Variants in LRP1B observed in about 807,000 individuals in gnomAD.
LRP1B encodes the protein LDL receptor related protein 1B.
In LRP1B, 217 loss-of-function variants were observed where a neutral mutation model predicts 556.6. The ratio of observed to expected loss-of-function variants is 0.39; its 90% CI spans 0.35 to 0.44. The LOEUF is 0.44. Among genes scored for constraint, LRP1B ranks in the 20% least tolerant of loss-of-function variants. The pLI is 1.00. For missense variants in LRP1B, 5,053 were observed against 5,620.8 expected, an observed-to-expected ratio of 0.90 and a Z score of 3.23; for synonymous variants, 2,047 against 1,865.8, an observed-to-expected ratio of 1.10 and a Z score of -2.50.
At chr2:141,341,069 A>T (rs993174066) in intron 3 of LRP1B, among the ~76,000 whole-genome samples, 7 of 152,180 alleles carry the variant, frequency 4.6e-5, no homozygotes, top group Non-Finnish European at 8.8e-5. Flanking sequence ...TATAGGAAAA[A>T]GATAGCATTT....
intron 21 of LRP1B, among the ~76,000 whole-genome samples, chr2:140,922,354 A>C (rs1694762797): frequency 6.6e-6 from 1 of 151,882 alleles, no homozygotes; most frequent in Non-Finnish European, 1.5e-5. Context: ...TCATAGTAAT[A>C]GGGTATATTT....
rs115639959 is a variant in LRP1B, at chr2:141,283,017, G to A, written c.344-28376C>T. Among the ~76,000 whole-genome samples the A allele has an allele frequency of 5.3e-3, 808 of 152,204 alleles. 8 individuals are homozygous for A. The highest frequency in any genetic ancestry group is 0.016 in the African/African-American group (682 of 41,524). ...TAAAGTCCTTGATAACAGAGAGTCT[G>A]CCTTTCATCTAGTCCAGATGCCTAG... On this transcript the variant is annotated intron_variant, in intron 3 of 90. Coordinates refer to ENST00000389484, the MANE Select transcript of LRP1B (RefSeq NM_018557.3).
At chr2:141,794,280 T>C (rs979180899) in intron 2 of LRP1B, among the ~76,000 whole-genome samples, 7 of 151,922 alleles carry the variant, frequency 4.6e-5, no homozygotes, top group African/African-American at 1.7e-4. Flanking sequence ...AACAGGAAAT[T>C]ATTGATTATT....
Position 140,886,148 on chromosome 2 carries a change from A to G in LRP1B, c.3954T>C (p.Ser1318=). 1 of 1,584,818 alleles carries G rather than the reference A, an allele frequency of 6.3e-7. No individual in the cohort carries two copies. Among genetic ancestry groups the G allele is most frequent in the Non-Finnish European group, 8.6e-7 (1 of 1,165,642 alleles). ...VEDRIYRGKL[S]ESGGVSAIEV... is the part of the protein sequence containing the mutation. Reference sequence around the variant, plus strand: ...TTATAATATATGTACCTCCACTTTCAGAAAGCTTTCCCCGGTATATTCTGT... The same window carrying G: ...TTATAATATATGTACCTCCACTTTCGGAAAGCTTTCCCCGGTATATTCTGT... The change falls in exon 24 of 91, where the codon TCT becomes TCC. Residue 1318 remains serine (S), a synonymous_variant. Coordinates refer to ENST00000389484, the MANE Select transcript of LRP1B (RefSeq NM_018557.3).
At chr2:140,422,635 G>C (rs1156868900) in intron 66 of LRP1B, among the ~76,000 whole-genome samples, 2 of 152,116 alleles carry the variant, frequency 1.3e-5, no homozygotes, top group African/African-American at 4.8e-5. Context: ...TTATACAAAG[G>C]ATAACGTTAG....
At chr2:141,989,814 A>G (rs1223589182) in intron 1 of LRP1B, among the ~76,000 whole-genome samples, 1 of 152,096 alleles carries the variant, frequency 6.6e-6, no homozygotes, top group African/African-American at 2.4e-5. Context: ...GGGAAGTGTA[A>G]GTCAATTAAA....
intron 41 of LRP1B, among the ~76,000 whole-genome samples, chr2:140,652,021 G>T (rs1350675864): frequency 6.6e-6 from 1 of 151,740 alleles, no homozygotes; most frequent in Non-Finnish European, 1.5e-5. Flanking sequence ...GATATTTAAA[G>T]TTCATAGAAC....
chr2:141,987,549 G>GTTTTTTTTTTTTTT (rs5834887), intron 1 of LRP1B, among the ~76,000 whole-genome samples: 28 of 139,904 alleles, frequency 2.0e-4, no homozygotes, highest in Admixed American at 2.9e-4. Flanking sequence ...GATTTAAGCT[G>GTTTTTTTTTTTTTT]TTTTTTTTTT....
intron 66 of LRP1B, among the ~76,000 whole-genome samples, chr2:140,429,684 G>A (rs985097200): frequency 2.0e-5 from 3 of 152,128 alleles, no homozygotes; most frequent in Non-Finnish European, 4.4e-5. Context: ...CATGGTTAGT[G>A]CAGTCAGAAT....
chr2:140,668,408 G>T (rs897827298), intron 41 of LRP1B, among the ~76,000 whole-genome samples: 3 of 133,988 alleles, frequency 2.2e-5, no homozygotes, highest in Non-Finnish European at 4.7e-5. Flanking sequence ...CATTTTTTTT[G>T]AAATGGTATC....
chr2:140,894,565 C>T (rs767041321), intron 23 of LRP1B, among the ~76,000 whole-genome samples: 3 of 152,100 alleles, frequency 2.0e-5, no homozygotes, highest in South Asian at 2.1e-4. Context: ...GACAGAATTA[C>T]AGATAATTGA....
At chr2:141,145,054 T>A (rs559268280) in intron 7 of LRP1B, among the ~76,000 whole-genome samples, 2 of 152,338 alleles carry the variant, frequency 1.3e-5, no homozygotes, top group African/African-American at 4.8e-5. Flanking sequence ...CTTTTCTAAC[T>A]TATACAAGTG....
At chr2:140,757,849 C>A (rs759459358) in intron 35 of LRP1B, among the ~76,000 whole-genome samples, 4 of 151,902 alleles carry the variant, frequency 2.6e-5, no homozygotes, top group Non-Finnish European at 5.9e-5. Context: ...CCACTACAGC[C>A]CAGGGGACAC....
chr2:141,329,959 C>G (rs572315443), intron 3 of LRP1B, among the ~76,000 whole-genome samples: 1 of 151,550 alleles, frequency 6.6e-6, no homozygotes, highest in South Asian at 2.1e-4. Flanking sequence ...TGGTATTGCA[C>G]CTGGATTCTA....
intron 43 of LRP1B, among the ~76,000 whole-genome samples, chr2:140,590,576 C>G (rs1005294458): frequency 1.4e-5 from 2 of 144,690 alleles, no homozygotes; most frequent in Admixed American, 1.4e-4. Flanking sequence ...CTCTCTCTCT[C>G]TCTCCCCAGC....
At chr2:141,586,713 CG>C (rs1363161475) in intron 2 of LRP1B, among the ~76,000 whole-genome samples, 13 of 151,964 alleles carry the variant, frequency 8.6e-5, no homozygotes, top group Admixed American at 7.9e-4. Context: ...GAGGCCGAGG[CG>C]GGTGGATCAC....
At chr2:140,661,334 A>G (rs1224110068) in intron 41 of LRP1B, among the ~76,000 whole-genome samples, 3 of 151,964 alleles carry the variant, frequency 2.0e-5, no homozygotes, top group Non-Finnish European at 4.4e-5. Context: ...CATTACCAGG[A>G]TTTTGAGACT....
chr2:141,224,818 G>A (rs1471702098), intron 6 of LRP1B, among the ~76,000 whole-genome samples: 1 of 151,930 alleles, frequency 6.6e-6, no homozygotes, highest in African/African-American at 2.4e-5. Flanking sequence ...GACTGTCATG[G>A]GGGTGGGGTG....
intron 87 of LRP1B, among the ~76,000 whole-genome samples, chr2:140,246,461 ACACAACGATGATATAGACC>A (rs1225733248): frequency 3.3e-5 from 5 of 151,450 alleles, no homozygotes; most frequent in Non-Finnish European, 3.0e-5. Flanking sequence ...GTACACAGAC[ACACAACGATGATATAGACC>A]CACAACGATG....
Sources: allele counts gnomAD v4.1 joint callset (sites outside exome capture counted in the v4.1 genomes callset), GRCh38; gene constraint gnomAD v4.1.1; transcripts MANE v1.5; gene names NCBI Gene and HGNC (gene_info 2026-07-23, HGNC 2026-07-21).